RASEF: variants seen among roughly 807,000 people sequenced by gnomAD.
RASEF encodes the protein RAS and EF-hand domain containing, also known as ras and EF-hand domain-containing protein.
Under a neutral mutation model 90.1 loss-of-function variants are expected in RASEF, and 68 were observed. That is an observed-to-expected ratio of 0.75 (90% CI 0.62 to 0.92). The LOEUF is 0.92. Among genes scored for constraint, RASEF ranks in the 40% least tolerant of loss-of-function variants. The pLI is 0.00. For synonymous variants in RASEF, 331 were observed against 345.2 expected, an observed-to-expected ratio of 0.96 and a Z score of 0.46; for missense variants, 949 against 937.2, an observed-to-expected ratio of 1.01 and a Z score of -0.16.
chr9:83,183,260 GTGTATA>G, the RASEF span, among the ~76,000 whole-genome samples: 3 of 34,062 alleles, frequency 8.8e-5, no homozygotes, highest in African/African-American at 2.8e-4. Flanking sequence ...ATTTGTGTGT[GTGTATA>G]TATATATATA....
chr9:83,187,441 G>T, the RASEF span, among the ~76,000 whole-genome samples: 2 of 151,974 alleles, frequency 1.3e-5, no homozygotes, highest in African/African-American at 4.8e-5. Context: ...TGACATGATG[G>T]TTGGGGCTAC....
intron 1 of RASEF, among the ~76,000 whole-genome samples, chr9:83,047,824 G>A (rs1829960248): frequency 6.6e-6 from 1 of 152,174 alleles, no homozygotes; most frequent in African/African-American, 2.4e-5. Flanking sequence ...AGGATGTCAT[G>A]GAACAACATG....
At chr9:83,053,373 C>T (rs1293538091) in intron 1 of RASEF, among the ~76,000 whole-genome samples, 7 of 83,780 alleles carry the variant, frequency 8.4e-5, no homozygotes, top group Non-Finnish European at 1.5e-4. Flanking sequence ...CAACCCCTGC[C>T]TTTTTTTGTT....
At chr9:83,081,729 G>A in the RASEF span, among the ~76,000 whole-genome samples, 1 of 152,088 alleles carries the variant, frequency 6.6e-6, no homozygotes, top group African/African-American at 2.4e-5. Flanking sequence ...GGTTCAGGAG[G>A]TACCATTGCT....
chr9:83,086,993 C>A, the RASEF span, among the ~76,000 whole-genome samples: 2 of 152,084 alleles, frequency 1.3e-5, no homozygotes, highest in Admixed American at 1.3e-4. Context: ...TCATTGGGGC[C>A]ATCTTGGAAG....
chr9:82,985,618 T>C (rs1479605158), intron 16 of RASEF, among the ~76,000 whole-genome samples: 1 of 152,154 alleles, frequency 6.6e-6, no homozygotes, highest in Non-Finnish European at 1.5e-5. Flanking sequence ...TTTATAAAGA[T>C]TACCTGATTC....
At chr9:82,991,846 C>T (rs1402558864) in intron 15 of RASEF, among the ~76,000 whole-genome samples, 1 of 152,202 alleles carries the variant, frequency 6.6e-6, no homozygotes, top group African/African-American at 2.4e-5. Context: ...TTCAAAGTAT[C>T]TGTGTGAGAC....
the RASEF span, among the ~76,000 whole-genome samples, chr9:83,143,797 C>T: frequency 6.6e-6 from 1 of 152,130 alleles, no homozygotes; most frequent in African/African-American, 2.4e-5. Context: ...CTAGCAATCC[C>T]ATTACTGGGT....
At chr9:83,218,647 T>G in the RASEF span, among the ~76,000 whole-genome samples, 2 of 152,116 alleles carry the variant, frequency 1.3e-5, no homozygotes, top group African/African-American at 4.8e-5. Flanking sequence ...GTCTCTCTCA[T>G]AAAGAAAGCT....
At position 83,062,964 on chromosome 9, in the gene RASEF, G is replaced by C; in HGVS notation, c.-97C>G. ...GCCACCTGCTGCCGCCGGGAGGCCC[G>C]GCGAGTTTGGCTCGTCCGGCTGGTT... On this transcript the variant is annotated 5_prime_UTR_variant, in exon 1 of 17. Coordinates refer to ENST00000376447, the MANE Select transcript of RASEF (RefSeq NM_152573.4). 2.4e-6 allele frequency: 3 copies of C among 1,267,434 alleles called. No individual in the cohort carries two copies. Among genetic ancestry groups the C allele is most frequent in the Non-Finnish European group, 3.1e-6 (3 of 980,258 alleles). The allele number at this position is 1,267,434 out of a possible 1,614,324, so 78.5% of individuals were successfully genotyped here. A position where few individuals can be genotyped will look rare whatever the true frequency, so the allele number is the denominator to read the frequency against.
At chr9:83,178,634 T>C in the RASEF span, among the ~76,000 whole-genome samples, 1 of 152,192 alleles carries the variant, frequency 6.6e-6, no homozygotes, top group African/African-American at 2.4e-5. Context: ...GTTGAAGTGC[T>C]CACAGACACC....
chr9:83,211,548 A>G, the RASEF span, among the ~76,000 whole-genome samples: 1 of 152,202 alleles, frequency 6.6e-6, no homozygotes, highest in Non-Finnish European at 1.5e-5. Flanking sequence ...GCTGGCCCCA[A>G]TCAATAATCT....
At chr9:83,141,830 G>T in the RASEF span, among the ~76,000 whole-genome samples, 3 of 152,166 alleles carry the variant, frequency 2.0e-5, no homozygotes, top group African/African-American at 7.2e-5. Context: ...TCCTGGCTTG[G>T]GCTTGCATAG....
chr9:83,000,686 G>T, intron 10 of RASEF, 116 bp from the exon 11 acceptor site: 1 of 985,388 alleles, frequency 1.0e-6, no homozygotes, highest in Non-Finnish European at 1.5e-6. Flanking sequence ...TAAATCAACA[G>T]TCAATGCTAT....
At chr9:83,011,423 G>A (rs749092930) in intron 5 of RASEF, among the ~76,000 whole-genome samples, 19 of 151,514 alleles carry the variant, frequency 1.3e-4, no homozygotes, top group East Asian at 1.9e-4. Context: ...GTGGTGGTGC[G>A]CATCTATAGT....
the RASEF span, among the ~76,000 whole-genome samples, chr9:83,212,479 T>C: frequency 6.6e-6 from 1 of 152,202 alleles, no homozygotes; most frequent in Admixed American, 6.5e-5. Context: ...AGTTTTACAA[T>C]TATGATTTGC....
At chr9:83,014,761 C>T (rs1829313548) in intron 4 of RASEF, among the ~76,000 whole-genome samples, 1 of 152,218 alleles carries the variant, frequency 6.6e-6, no homozygotes, top group Admixed American at 6.5e-5. Context: ...CTGCTTTAAG[C>T]ATCTCTTCTC....
At chr9:83,004,371 A>G in intron 9 of RASEF, 127 bp downstream of exon 9, 1 of 579,882 alleles carries the variant, frequency 1.7e-6, no homozygotes, top group Non-Finnish European at 3.0e-6. Flanking sequence ...AGAACTTTTA[A>G]CATCATAGAA....
At chr9:82,996,894 T>A in intron 14 of RASEF, 118 bp downstream of exon 14, 1 of 643,120 alleles carries the variant, frequency 1.6e-6, no homozygotes, top group Admixed American at 2.4e-5. Flanking sequence ...TTCTTCCTGA[T>A]GGCTTGGATC....
Sources: allele counts gnomAD v4.1 joint callset (sites outside exome capture counted in the v4.1 genomes callset), GRCh38; gene constraint gnomAD v4.1.1; transcripts MANE v1.5; gene names NCBI Gene and HGNC (gene_info 2026-07-23, HGNC 2026-07-21).